The following RSPH1 variants were observed in gnomAD, a reference collection of about 807,000 sequenced individuals.
RSPH1 encodes radial spoke head 1 homolog.
Under a neutral mutation model 44.2 loss-of-function variants are expected in RSPH1, and 32 were observed. The observed-to-expected ratio is 0.72, with a 90% CI of 0.55 to 0.97. RSPH1 has a LOEUF of 0.97. Among genes scored for constraint, RSPH1 ranks in the 50% least tolerant of loss-of-function variants. The probability of loss-of-function intolerance (pLI) is 0.00; values close to 1 mark genes in which losing one functional copy is unlikely to be tolerated. For missense variants in RSPH1, 391 were observed against 398.7 expected, an observed-to-expected ratio of 0.98 and a Z score of 0.16; for synonymous variants, 134 against 147.3, an observed-to-expected ratio of 0.91 and a Z score of 0.65.
At chr21:42,494,288 G>T (rs1403466487) in intron 1 of RSPH1, among the ~76,000 whole-genome samples, 2 of 152,028 alleles carry the variant, frequency 1.3e-5, no homozygotes, top group African/African-American at 4.8e-5. Flanking sequence ...AATTGAATTG[G>T]ATGTATATAG....
intron 3 of RSPH1, among the ~76,000 whole-genome samples, chr21:42,489,547 G>T (rs774628371): frequency 3.3e-5 from 5 of 152,212 alleles, no homozygotes; most frequent in Non-Finnish European, 5.9e-5. Flanking sequence ...GTTGGTCACT[G>T]GTTTGCCATG....
At position 42,477,304 on chromosome 21, in the gene RSPH1, A is replaced by G. The variant is rs141840867; in HGVS notation, c.714T>C (p.Ala238=). 3.2e-5 allele frequency: 50 copies of G among 1,547,700 alleles called. No individual in the cohort carries two copies. The African/African-American group carries it at 6.2e-4, about 19-fold the overall frequency. The change falls in exon 7 of 9, where the codon GCT becomes GCC. Residue 238 remains alanine (A), a synonymous_variant. Transcript: ENST00000291536. The stretch of plus-strand genomic sequence containing the variant: ...GGTGCCCCACACTCTCAGCTCCTGG[A>G]GCGTCTTGGCCAGGTCCATCCGTAG... ...PTSTDGPGQD[A]PGAESAGEPG... is the part of the protein sequence containing the mutation.
chr21:42,486,827 C>T (rs2054185647), intron 3 of RSPH1, among the ~76,000 whole-genome samples: 1 of 152,178 alleles, frequency 6.6e-6, no homozygotes, highest in East Asian at 1.9e-4. Flanking sequence ...GCACATTTCA[C>T]AGGTTAGTCA....
chr21:42,496,059 C>G lies in RSPH1; in HGVS notation c.54+74G>C, dbSNP rs550463611. Reference sequence around the variant, plus strand: ...GACCTCTGGTTTCTGCGCCTCCTCACTCTCCAAACCCAACCTCGAGGTTCC... The same window carrying G: ...GACCTCTGGTTTCTGCGCCTCCTCAGTCTCCAAACCCAACCTCGAGGTTCC... On this transcript the variant is annotated intron_variant, in intron 1 of 8. Transcript: ENST00000291536. 97 of 1,566,834 alleles carry G rather than the reference C, an allele frequency of 6.2e-5. No homozygotes were observed. The African/African-American group carries it at 1.2e-3, about 19-fold the overall frequency.
At position 42,482,599 on chromosome 21, in the gene RSPH1, T is replaced by G. The variant is rs112180957; in HGVS notation, c.573+38A>C. 2.0e-5 allele frequency: 30 copies of G among 1,482,432 alleles called. No individual in the cohort carries two copies. The African/African-American group carries it at 2.1e-4, about 10-fold the overall frequency. 91.8% of individuals were successfully genotyped at this position (1,482,432 alleles called of 1,614,324 possible). Reference sequence around the variant, plus strand: ...CAATATTTTTGAGCAGCTACTTCCCTGTTAATGTAACAAAACCCTACATGC... The same window carrying G: ...CAATATTTTTGAGCAGCTACTTCCCGGTTAATGTAACAAAACCCTACATGC... On this transcript the variant is annotated intron_variant, in intron 6 of 8. Transcript: ENST00000291536.
At chr21:42,479,976 G>T (rs150979924) in intron 6 of RSPH1, among the ~76,000 whole-genome samples, 1 of 152,276 alleles carries the variant, frequency 6.6e-6, no homozygotes, top group African/African-American at 2.4e-5. Context: ...CCTGCCCCTA[G>T]CCAGTGGTTC....
rs1197753313 is a variant in RSPH1 at position 42,485,922 on chromosome 21, G to A, written c.366-118C>T. The A allele has an allele frequency of 1.0e-5, 13 of 1,269,782 alleles. No homozygotes were observed. The African/African-American group carries it at 1.2e-4, about 11-fold the overall frequency. 78.7% of individuals were successfully genotyped at this position (1,269,782 alleles called of 1,614,324 possible). A position where few individuals can be genotyped will look rare whatever the true frequency, so the allele number is the denominator to read the frequency against. ...AGGCTGTTGCAGGCTCACAAGCGAT[G>A]TAGCTTCTATATCTGTGTCCAGTCA... is the stretch of plus-strand genomic sequence containing the variant. On this transcript the variant is annotated intron_variant, in intron 4 of 8. Transcript: ENST00000291536.
rs562720896 is a variant in RSPH1, at chr21:42,496,104, G to A, written c.54+29C>T. On this transcript the variant is annotated intron_variant, in intron 1 of 8. Coordinates refer to ENST00000291536, the MANE Select transcript of RSPH1 (RefSeq NM_080860.4). ...GGTTCCCCCGCCGCTGCGCACCCTG[G>A]GAAGCCCTTTCTCACCAGGAGCTCT... 17 of 1,613,684 alleles carry A rather than the reference G, an allele frequency of 1.1e-5. No homozygotes were observed. In the South Asian group the frequency reaches 1.6e-4, roughly 16 times the overall value.
intron 3 of RSPH1, 66 bp downstream of exon 3, chr21:42,492,692 C>G: frequency 1.1e-6 from 1 of 892,758 alleles, no homozygotes; most frequent in South Asian, 1.4e-5. Context: ...TATTCACAGA[C>G]AAGTTCAGTC....
intron 3 of RSPH1, among the ~76,000 whole-genome samples, chr21:42,487,940 A>G (rs1032352057): frequency 6.6e-6 from 1 of 152,248 alleles, no homozygotes; most frequent in East Asian, 1.9e-4. Context: ...AGGACAGTGC[A>G]TGTCCCCAGG....
rs867719885 is a variant in RSPH1, at chr21:42,485,918, C to T, written c.366-114G>A. Reference sequence around the variant, plus strand: ...GCCCAGGCTGTTGCAGGCTCACAAGCGATGTAGCTTCTATATCTGTGTCCA... The same window carrying T: ...GCCCAGGCTGTTGCAGGCTCACAAGTGATGTAGCTTCTATATCTGTGTCCA... On this transcript the variant is annotated intron_variant, in intron 4 of 8. Transcript: ENST00000291536. 21 of 1,304,046 alleles carry T rather than the reference C, an allele frequency of 1.6e-5. 1 individual carries two copies. The highest frequency in any genetic ancestry group is 1.2e-4 in the African/African-American group (8 of 69,090). 80.8% of individuals were successfully genotyped at this position (1,304,046 alleles called of 1,614,324 possible).
rs949992930 is a variant in RSPH1 at position 42,476,971 on chromosome 21, C to A, written c.727+320G>T. On this transcript the variant is annotated intron_variant, in intron 7 of 8. Transcript: ENST00000291536. ...GGCGCCCACACCCTCCATCCCACAG[C>A]CTGGGGATGCCCCACACCCTCTGTC... Among the ~76,000 whole-genome samples the A allele has an allele frequency of 2.7e-5, 4 of 146,364 alleles. No individual in the cohort carries two copies. The Admixed American group carries it at 2.7e-4, about 10-fold the overall frequency.
chr21:42,477,988 A>G (rs2054086571), intron 6 of RSPH1, among the ~76,000 whole-genome samples: 1 of 152,206 alleles, frequency 6.6e-6, no homozygotes, highest in African/African-American at 2.4e-5. Context: ...TATGATATGG[A>G]TTTGCATAAA....
Position 42,472,802 on chromosome 21 carries a change from C to T in RSPH1, c.*16G>A. On this transcript the variant is annotated 3_prime_UTR_variant, in exon 9 of 9. Transcript: ENST00000291536. ...AAGCATTCTTATGATACGATCTCCT[C>T]TCGGCTCACTTCATCTTAGTCCTGG... 1 of 1,597,348 alleles carries T rather than the reference C, an allele frequency of 6.3e-7. No homozygotes were observed. The highest frequency in any genetic ancestry group is 8.6e-7 in the Non-Finnish European group (1 of 1,165,340).
At chr21:42,485,313 A>G (rs2146654674) in intron 5 of RSPH1, 1 of 225,718 alleles carries the variant, frequency 4.4e-6, no homozygotes, top group South Asian at 6.3e-5. Context: ...AAACACCTCT[A>G]TGCTCAATTG....
chr21:42,485,834 C>T (rs747135015), intron 4 of RSPH1, 30 bp from the exon 5 acceptor site: 11 of 1,612,816 alleles, frequency 6.8e-6, no homozygotes, highest in Admixed American at 1.7e-5. Flanking sequence ...CATGGTATTT[C>T]GTTCCAGCAC....
intron 7 of RSPH1, among the ~76,000 whole-genome samples, 177 bp downstream of exon 7, chr21:42,477,114 A>C: frequency 8.8e-6 from 1 of 113,976 alleles, no homozygotes; most frequent in Non-Finnish European, 1.8e-5. Flanking sequence ...CCTCCACTCC[A>C]CAGCCCGGGG....
In RSPH1 at chr21:42,496,199, G is replaced by C. The variant is rs1263440179; in HGVS notation, c.-13C>G. On this transcript the variant is annotated 5_prime_UTR_variant, in exon 1 of 9. Transcript: ENST00000291536. ...CCAGGTCCGACATGGTCTCGCCCCA[G>C]CCTGGATCACAGCCGCAGCGCCTCT... The C allele has an allele frequency of 6.2e-7, 1 of 1,614,134 alleles. No homozygotes were observed. The highest frequency in any genetic ancestry group is 8.5e-7 in the Non-Finnish European group (1 of 1,179,984).
intron 4 of RSPH1, 148 bp from the exon 5 acceptor site, chr21:42,485,952 G>A (rs2054176891): frequency 8.0e-6 from 8 of 1,004,314 alleles, no homozygotes; most frequent in Non-Finnish European, 1.2e-5. Context: ...CAGTCAGAAG[G>A]TGCCCCTTGC....
Sources: gnomAD v4.1 joint callset for allele counts (sites outside exome capture counted in the v4.1 genomes callset) on GRCh38, gnomAD v4.1.1 for gene constraint, MANE v1.5 for transcripts, NCBI Gene and HGNC (gene_info 2026-07-23, HGNC 2026-07-21) for gene names.